The following VPS45 variants were observed in gnomAD, a reference collection of about 807,000 sequenced individuals.
The protein encoded by VPS45 is vacuolar protein sorting-associated protein 45.
In VPS45, 35 loss-of-function variants were observed where a neutral mutation model predicts 75.9. That is an observed-to-expected ratio of 0.46 (90% CI 0.35 to 0.61). The LOEUF is 0.61. Among genes scored for constraint, VPS45 ranks in the 20% least tolerant of loss-of-function variants. The pLI is 0.00. For missense variants in VPS45, 559 were observed against 685.9 expected (o/e 0.81, Z 2.07); for synonymous variants, 220 against 238.2 (o/e 0.92, Z 0.70).
At chr1:150,097,743 A>C (rs1656752173) in intron 13 of VPS45, among the ~76,000 whole-genome samples, 3 of 151,968 alleles carry the variant, frequency 2.0e-5, no homozygotes, top group South Asian at 4.2e-4. Flanking sequence ...CAAAACAAAA[A>C]AAGTGTACAT....
At chr1:150,091,255 G>T (rs1410620049) in intron 10 of VPS45, among the ~76,000 whole-genome samples, 2 of 152,150 alleles carry the variant, frequency 1.3e-5, no homozygotes, top group Non-Finnish European at 2.9e-5. Flanking sequence ...GCCTTATGGG[G>T]ACTCAAAAGT....
At chr1:150,095,284 T>C (rs750833145) in intron 13 of VPS45, among the ~76,000 whole-genome samples, 22 of 152,152 alleles carry the variant, frequency 1.4e-4, no homozygotes, top group Non-Finnish European at 2.6e-4. Context: ...AGAGAACCTC[T>C]CTGAGAGGTG....
chr1:150,077,169 T>C lies in VPS45; in HGVS notation c.514T>C (p.Cys172Arg), dbSNP rs191692092. 4.2e-5 allele frequency: 67 copies of C among 1,614,114 alleles called. No homozygotes were observed. In the Admixed American group the frequency reaches 7.2e-4, roughly 17 times the overall value. Residue 172 changes from cysteine to arginine, a missense_variant, in exon 6 of 15, where the codon TGT (cysteine) becomes CGT (arginine). Coordinates refer to ENST00000644510, the MANE Select transcript of VPS45 (RefSeq NM_007259.5). ...LTALLLSLKK[C>R]PMIRYQLSSE... ...AGCTCTCCTTTTATCTCTGAAGAAG[T>C]GTCCCATGATTCGTTATCAGCTCTC...
chr1:150,082,570 A>G (rs1655777877), intron 9 of VPS45, 146 bp from the exon 10 acceptor site: 2 of 964,260 alleles, frequency 2.1e-6, no homozygotes, highest in South Asian at 1.7e-5. Context: ...CTTCTTAAGC[A>G]TAACAAAATG....
chr1:150,099,129 C>A, intron 13 of VPS45: 1 of 906,044 alleles, frequency 1.1e-6, no homozygotes, highest in Non-Finnish European at 1.3e-6. Flanking sequence ...TAATGCTCCA[C>A]AAAATAGATA....
intron 10 of VPS45, among the ~76,000 whole-genome samples, chr1:150,089,125 T>C (rs1656184207): frequency 6.6e-6 from 1 of 152,026 alleles, no homozygotes; most frequent in African/African-American, 2.4e-5. Flanking sequence ...TGAAGGTAAA[T>C]AGAAAAGGGC....
At position 150,115,189 on chromosome 1, in the gene VPS45, A is replaced by G. The variant is rs183011247; in HGVS notation, c.1625+4562A>G. Among the ~76,000 whole-genome samples, 9 of 152,106 alleles carry G rather than the reference A, an allele frequency of 5.9e-5. No homozygotes were observed. In the East Asian group the frequency reaches 9.7e-4, roughly 16 times the overall value. On this transcript the variant is annotated intron_variant, in intron 14 of 14. Transcript: ENST00000644510. ...TGAGATATATGTTAAACCTTCATCT[A>G]TTCTTCAGGTCTCTTAATCTCTCAT...
intron 14 of VPS45, among the ~76,000 whole-genome samples, chr1:150,131,839 A>G (rs1256904123): frequency 3.3e-5 from 5 of 152,156 alleles, no homozygotes; most frequent in African/African-American, 9.7e-5. Context: ...GAGCAAGACT[A>G]TGTCTCAATA....
chr1:150,099,769 C>G (rs587663688), intron 13 of VPS45, among the ~76,000 whole-genome samples: 1 of 140,384 alleles, frequency 7.1e-6, no homozygotes, highest in African/African-American at 2.7e-5. Flanking sequence ...GGAGGTAGAG[C>G]TTGCAGTGAG....
In VPS45 at chr1:150,093,460, A is replaced by G. The variant is rs76276309; in HGVS notation, c.1372-67A>G. Reference sequence around the variant, plus strand: ...TGAGTGTATGTCCTTTTCTGATATGAATATTATTAATTCTTGTGTTGCCAA... The same window carrying G: ...TGAGTGTATGTCCTTTTCTGATATGGATATTATTAATTCTTGTGTTGCCAA... On this transcript the variant is annotated intron_variant, in intron 12 of 14. Coordinates refer to ENST00000644510, the MANE Select transcript of VPS45 (RefSeq NM_007259.5). The G allele has an allele frequency of 2.7e-4, 428 of 1,567,166 alleles. 3 individuals carry two copies. In the African/African-American group the frequency reaches 4.1e-3, roughly 15 times the overall value.
At chr1:150,127,616 A>G (rs782684955) in intron 14 of VPS45, among the ~76,000 whole-genome samples, 2 of 152,186 alleles carry the variant, frequency 1.3e-5, no homozygotes, top group African/African-American at 4.8e-5. Context: ...ATTGTTATCA[A>G]CTTCCTTTTT....
rs113104968 is a variant in VPS45 at position 150,137,119 on chromosome 1, C to G, written c.1626-7590C>G. On this transcript the variant is annotated intron_variant, in intron 14 of 14. Transcript: ENST00000644510. ...TTCACCATGTTTCCCAGGCTGGTCT[C>G]GAGCTCCTGAACTCAAAGTGATCCA... 2.0e-5 allele frequency among the ~76,000 whole-genome samples: 3 copies of G among 152,116 alleles called. 1 individual carries two copies. The highest frequency in any genetic ancestry group is 4.2e-4 in the South Asian group (2 of 4,808).
intron 13 of VPS45, among the ~76,000 whole-genome samples, chr1:150,099,920 A>G (rs913083720): frequency 1.3e-5 from 2 of 152,040 alleles, no homozygotes; most frequent in Non-Finnish European, 2.9e-5. Context: ...ATTCCCCTTG[A>G]AAACCAGCAC....
chr1:150,107,750 AAGT>A (rs1167458279), intron 13 of VPS45, among the ~76,000 whole-genome samples: 1 of 152,134 alleles, frequency 6.6e-6, no homozygotes, highest in Non-Finnish European at 1.5e-5. Context: ...AAAATACAAA[AAGT>A]AGTCTGGCAT....
chr1:150,085,898 A>G (rs1157579004), intron 10 of VPS45, among the ~76,000 whole-genome samples: 1 of 152,170 alleles, frequency 6.6e-6, no homozygotes, highest in Non-Finnish European at 1.5e-5. Context: ...AGATTTATTA[A>G]TTAGTAATGA....
intron 14 of VPS45, among the ~76,000 whole-genome samples, chr1:150,130,766 A>G (rs1262576674): frequency 6.6e-6 from 1 of 152,206 alleles, no homozygotes; most frequent in Non-Finnish European, 1.5e-5. Flanking sequence ...TGTAATAAAC[A>G]TCATTTTACA....
At chr1:150,118,338 G>C (rs1658052194) in intron 14 of VPS45, among the ~76,000 whole-genome samples, 1 of 149,676 alleles carries the variant, frequency 6.7e-6, no homozygotes, top group East Asian at 2.0e-4. Context: ...GTTCAAAAAA[G>C]TAGAAAAAAG....
At chr1:150,097,605 G>C (rs1553803294) in intron 13 of VPS45, among the ~76,000 whole-genome samples, 2 of 151,620 alleles carry the variant, frequency 1.3e-5, no homozygotes, top group Non-Finnish European at 2.9e-5. Context: ...TGTAGTCCCA[G>C]CTACTCAGGA....
At position 150,099,120 on chromosome 1, in the gene VPS45, A is replaced by C. The variant is rs189158433; in HGVS notation, c.1493+5472A>C. 1.8e-5 allele frequency: 17 copies of C among 954,204 alleles called. No homozygotes were observed. In the East Asian group the frequency reaches 1.7e-3, roughly 98 times the overall value. 59.1% of individuals were successfully genotyped at this position (954,204 alleles called of 1,614,324 possible). On this transcript the variant is annotated intron_variant, in intron 13 of 14. Transcript: ENST00000644510. Reference sequence around the variant, plus strand: ...AAATTACAATTTTAGCCATAAGTGTAATGCTCCACAAAATAGATAAAATGT... The same window carrying C: ...AAATTACAATTTTAGCCATAAGTGTCATGCTCCACAAAATAGATAAAATGT...
Sources: allele counts gnomAD v4.1 joint callset (sites outside exome capture counted in the v4.1 genomes callset), GRCh38; gene constraint gnomAD v4.1.1; transcripts MANE v1.5; gene names NCBI Gene and HGNC (gene_info 2026-07-23, HGNC 2026-07-21).